The following EML5 variants were observed in gnomAD, a reference collection of about 807,000 sequenced individuals.
EML5 encodes the protein EMAP like 5.
EML5 carries 120 observed loss-of-function variants against 250.0 expected under a neutral mutation model. The observed-to-expected ratio is 0.48, with a 90% CI of 0.41 to 0.56. The LOEUF (loss-of-function observed/expected upper bound fraction) is 0.56, where lower values mean the gene tolerates loss of function less well. Among genes scored for constraint, EML5 ranks in the 20% least tolerant of loss-of-function variants. The probability of loss-of-function intolerance (pLI) is 0.00; values close to 1 mark genes in which losing one functional copy is unlikely to be tolerated. For synonymous variants in EML5, 771 were observed against 806.5 expected (o/e 0.96, Z 0.75); for missense variants, 2,006 against 2,437.6 (o/e 0.82, Z 3.73).
chr14:88,702,565 C>T lies in EML5; in HGVS notation c.2119G>A (p.Ala707Thr). 1.2e-6 allele frequency: 2 copies of T among 1,612,696 alleles called. No individual in the cohort carries two copies. The highest frequency in any genetic ancestry group is 1.7e-6 in the Non-Finnish European group (2 of 1,179,292). ...TQIGEIVYHVAAVGVIYNRQQ... is the reference protein window; with the variant it reads ...TQIGEIVYHVTAVGVIYNRQQ... ...CGATTATAAATGACACCCACTGCTG[C>T]CACATGGTACACAATTTCACCAATT... Residue 707 changes from alanine to threonine, a missense_variant, in exon 14 of 44, where the codon GCA (alanine) becomes ACA (threonine). Ala to Thr is a moderately conservative substitution (Grantham distance 58). Around this residue, in one of 7 missense-constraint regions of EML5, gnomAD observed 1,375 missense variants for 1,590.3 expected, o/e 0.86. Coordinates refer to ENST00000554922, the MANE Select transcript of EML5 (RefSeq NM_183387.3).
At chr14:88,701,061 A>C (rs916733860) in intron 14 of EML5, among the ~76,000 whole-genome samples, 1 of 152,034 alleles carries the variant, frequency 6.6e-6, no homozygotes, top group Admixed American at 6.6e-5. Context: ...CATCATCTCT[A>C]TGAGGGTTTC....
chr14:88,627,366 CATT>C, intron 34 of EML5: 1 of 455,286 alleles, frequency 2.2e-6, no homozygotes, highest in East Asian at 3.8e-5. Flanking sequence ...CCAATCAAAT[CATT>C]AATAATAAAT....
chr14:88,754,826 CAG>C (rs747800772), intron 1 of EML5, among the ~76,000 whole-genome samples, 155 bp from the exon 2 acceptor site: 4 of 152,204 alleles, frequency 2.6e-5, no homozygotes, highest in African/African-American at 7.2e-5. Flanking sequence ...TTTGTTGAGA[CAG>C]AGTCTCGTTC....
intron 2 of EML5, among the ~76,000 whole-genome samples, chr14:88,752,473 T>C (rs2094110438): frequency 6.6e-6 from 1 of 152,126 alleles, no homozygotes; most frequent in East Asian, 1.9e-4. Context: ...AAATGGGATA[T>C]GAATTAAGTT....
chr14:88,761,668 T>C (rs902295035), intron 1 of EML5, among the ~76,000 whole-genome samples: 1 of 152,232 alleles, frequency 6.6e-6, no homozygotes, highest in African/African-American at 2.4e-5. Context: ...CATGTGCATG[T>C]GTCTTTATAG....
Position 88,736,423 on chromosome 14 carries a change from T to G in EML5, c.990A>C (p.Ala330=), listed in dbSNP as rs1374745501. 1.2e-6 allele frequency: 2 copies of G among 1,614,034 alleles called. No individual in the cohort carries two copies. The highest frequency in any genetic ancestry group is 1.7e-6 in the Non-Finnish European group (2 of 1,179,890). The change falls in exon 7 of 44, where the codon GCA becomes GCC. Residue 330 remains alanine (A), a synonymous_variant. Transcript: ENST00000554922. ...AAGGTTTAGTAGGATGGACAGCAAG[T>G]GCCCAAAGTTCACCTTCACAATGCC... ...MQGHCEGELW[A]LAVHPTKPLA...
intron 30 of EML5, among the ~76,000 whole-genome samples, chr14:88,643,644 A>G (rs994703846): frequency 2.0e-5 from 3 of 152,230 alleles, no homozygotes; most frequent in African/African-American, 7.2e-5. Context: ...TTTTATGTTC[A>G]TTGTTAATCA....
chr14:88,725,076 T>C (rs1018301570), intron 8 of EML5, among the ~76,000 whole-genome samples: 2 of 152,172 alleles, frequency 1.3e-5, no homozygotes, highest in African/African-American at 4.8e-5. Flanking sequence ...TTTTAAAATA[T>C]GAGGTACCTA....
At chr14:88,711,982 ACT>A (rs1555359551) in intron 10 of EML5, among the ~76,000 whole-genome samples, 2 of 151,950 alleles carry the variant, frequency 1.3e-5, no homozygotes, top group Non-Finnish European at 2.9e-5. Context: ...GTACAGTCTG[ACT>A]CTATGAAAGA....
At chr14:88,686,288 G>A (rs958006898) in intron 19 of EML5, among the ~76,000 whole-genome samples, 2 of 152,048 alleles carry the variant, frequency 1.3e-5, no homozygotes, top group Admixed American at 1.3e-4. Context: ...ATGCCTTAAA[G>A]GAAGAAATGC....
At chr14:88,738,748 T>C in intron 6 of EML5, 131 bp downstream of exon 6, 1 of 1,097,720 alleles carries the variant, frequency 9.1e-7, no homozygotes, top group South Asian at 1.7e-5. Flanking sequence ...ATCAAATGCA[T>C]ACAGGGTGAA....
intron 32 of EML5, among the ~76,000 whole-genome samples, 193 bp downstream of exon 32, chr14:88,638,616 T>A (rs1251316265): frequency 6.6e-6 from 1 of 152,170 alleles, no homozygotes; most frequent in Non-Finnish European, 1.5e-5. Flanking sequence ...CAAGACCAAC[T>A]CAGATAACCA....
At chr14:88,767,793 A>G (rs973298049) in intron 1 of EML5, among the ~76,000 whole-genome samples, 2 of 152,224 alleles carry the variant, frequency 1.3e-5, no homozygotes, top group East Asian at 3.8e-4. Flanking sequence ...TCATTACAAT[A>G]TAAACATTTT....
At chr14:88,626,598 CAG>C in intron 35 of EML5, 1 of 481,012 alleles carries the variant, frequency 2.1e-6, no homozygotes, top group South Asian at 2.4e-5. Flanking sequence ...GCCCAGGCGA[CAG>C]AGTGAGATAC....
chr14:88,621,783 A>T, intron 37 of EML5: 1 of 355,390 alleles, frequency 2.8e-6, no homozygotes, highest in Non-Finnish European at 5.6e-6. Flanking sequence ...TTGAATTTTT[A>T]TTTTGAAATT....
intron 31 of EML5, among the ~76,000 whole-genome samples, chr14:88,639,419 G>A (rs1351808024): frequency 2.0e-5 from 3 of 152,160 alleles, no homozygotes; most frequent in Non-Finnish European, 2.9e-5. Flanking sequence ...GAGTTAGGGA[G>A]GATTTTGAGT....
intron 8 of EML5, among the ~76,000 whole-genome samples, chr14:88,716,431 T>C (rs1261629186): frequency 6.6e-6 from 1 of 152,170 alleles, no homozygotes; most frequent in Non-Finnish European, 1.5e-5. Context: ...ATTAAATCCA[T>C]ATACCGTATT....
intron 21 of EML5, among the ~76,000 whole-genome samples, chr14:88,678,645 T>A (rs77559651): frequency 0.058 from 8,792 of 152,064 alleles, 678 homozygotes; most frequent in African/African-American, 0.17. Context: ...TTCAAAATTT[T>A]AAAAAAATCT....
chr14:88,638,990 C>G (rs1199572222), intron 31 of EML5, 83 bp from the exon 32 acceptor site: 5 of 998,796 alleles, frequency 5.0e-6, no homozygotes, highest in Non-Finnish European at 7.3e-6. Flanking sequence ...ATAAACTACT[C>G]TTTAACTTAT....
Sources: allele counts gnomAD v4.1 joint callset (sites outside exome capture counted in the v4.1 genomes callset), GRCh38; gene constraint gnomAD v4.1.1; regional missense constraint gnomAD v4.1.1; transcripts MANE v1.5; gene names NCBI Gene and HGNC (gene_info 2026-07-23, HGNC 2026-07-21).